Variants in HERC1 observed in about 807,000 individuals in gnomAD.
HERC1 encodes HECT and RLD domain containing E3 ubiquitin protein ligase family member 1.
In HERC1, 160 loss-of-function variants were observed where a neutral mutation model predicts 554.3. The ratio of observed to expected loss-of-function variants is 0.29; its 90% CI spans 0.25 to 0.33. The LOEUF is 0.33. Among genes scored for constraint, HERC1 ranks in the 10% least tolerant of loss-of-function variants. The pLI is 1.00. For missense variants in HERC1, 4,919 were observed against 5,918.5 expected, an observed-to-expected ratio of 0.83 and a Z score of 5.54; for synonymous variants, 2,175 against 2,131.7, an observed-to-expected ratio of 1.02 and a Z score of -0.56.
chr15:63,652,060 C>CA lies in HERC1; in HGVS notation c.10418+353dup, dbSNP rs973939269. On this transcript the variant is annotated intron_variant, in intron 52 of 77. Transcript: ENST00000443617. ...CAAAAAAGAAAAAAACAAAACAAAACAAAAAAAACTGTTGAAAATGCTACA... is the reference window on the plus strand; with the variant it reads ...CAAAAAAGAAAAAAACAAAACAAAACAAAAAAAAACTGTTGAAAATGCTACA... Among the ~76,000 whole-genome samples, 9 of 151,452 alleles carry CA rather than the reference C, an allele frequency of 5.9e-5. No individual in the cohort carries two copies. The South Asian group carries it at 6.3e-4, about 11-fold the overall frequency.
chr15:63,651,465 T>C (rs746196321), intron 52 of HERC1, 85 bp from the exon 53 acceptor site: 3 of 1,327,784 alleles, frequency 2.3e-6, no homozygotes, highest in Admixed American at 4.1e-5. Context: ...AAGGGTTTCA[T>C]ATAGACTAGA....
At chr15:63,827,567 G>A (rs2077986089) in intron 1 of HERC1, among the ~76,000 whole-genome samples, 1 of 152,144 alleles carries the variant, frequency 6.6e-6, no homozygotes, top group Middle Eastern at 3.4e-3. Flanking sequence ...GAAGGGAACA[G>A]GAAAACAATC....
rs747014138 is a variant in HERC1, at chr15:63,664,569, T to C, written c.8581A>G (p.Asn2861Asp). ...GATGGTCCACTTCCAGAAGCTGCAT[T>C]CTCTGTATGATCCAAATTATCAGGG... ...ESPDNLDHTE[N>D]AASGSGPSAR... Residue 2861 changes from asparagine to aspartate, a missense_variant, in exon 43 of 78, where the codon AAT (asparagine) becomes GAT (aspartate). Around this residue, in one of 11 missense-constraint regions of HERC1, gnomAD observed 1,963 missense variants for 2,228.6 expected, o/e 0.88. Transcript: ENST00000443617. 3 of 1,613,674 alleles carry C rather than the reference T, an allele frequency of 1.9e-6. No individual in the cohort carries two copies. In the East Asian group the frequency reaches 6.7e-5, roughly 36 times the overall value.
Position 63,749,272 on chromosome 15 carries a change from C to A in HERC1, c.2219+95G>T. On this transcript the variant is annotated intron_variant, in intron 10 of 77. Coordinates refer to ENST00000443617, the MANE Select transcript of HERC1 (RefSeq NM_003922.4). This position sits in a 1 kb window ranked among gnomAD's most constrained non-coding sequence, Gnocchi z 4.1. ...TATGTTCAGAAGAGTATTTTATGAA[C>A]AAAGCACAATTATTTCTGTTTTTAT... The A allele has an allele frequency of 1.0e-6, 1 of 968,068 alleles. No individual in the cohort carries two copies. The highest frequency in any genetic ancestry group is 1.5e-6 in the Non-Finnish European group (1 of 648,916). The allele number at this position is 968,068 out of a possible 1,614,324, so 60.0% of individuals were successfully genotyped here.
At chr15:63,660,732 C>T (rs145139618) in intron 46 of HERC1, among the ~76,000 whole-genome samples, 8 of 152,096 alleles carry the variant, frequency 5.3e-5, no homozygotes, top group Middle Eastern at 3.4e-3. Flanking sequence ...AAAAAAAATA[C>T]ACCTAATAGA....
In HERC1 at chr15:63,612,713, G is replaced by T. The variant is rs2067655110; in HGVS notation, c.14095-157C>A. On this transcript the variant is annotated intron_variant, in intron 76 of 77. Coordinates refer to ENST00000443617, the MANE Select transcript of HERC1 (RefSeq NM_003922.4). The surrounding 1 kb of genome is among the most constrained non-coding windows in gnomAD (Gnocchi z 5.0). Reference sequence around the variant, plus strand: ...CCAGGCACGAGAGTCAGTCAAAAAGGCCCACCCTCCCTGCCTCTCAACCCT... The same window carrying T: ...CCAGGCACGAGAGTCAGTCAAAAAGTCCCACCCTCCCTGCCTCTCAACCCT... 1.3e-5 allele frequency among the ~76,000 whole-genome samples: 2 copies of T among 152,178 alleles called. No homozygotes were observed. The highest frequency in any genetic ancestry group is 4.1e-4 in the South Asian group (2 of 4,828).
chr15:63,798,506 T>C (rs1596282285), intron 1 of HERC1, among the ~76,000 whole-genome samples: 1 of 148,982 alleles, frequency 6.7e-6, no homozygotes. Flanking sequence ...CTCTTCTCCT[T>C]CACTTACTAA....
Position 63,638,421 on chromosome 15 carries a change from T to A in HERC1, c.12083A>T (p.Gln4028Leu), listed in dbSNP as rs2068882620. 1.2e-6 allele frequency: 2 copies of A among 1,613,644 alleles called. No homozygotes were observed. Among genetic ancestry groups the A allele is most frequent in the African/African-American group, 2.7e-5 (2 of 74,912 alleles). The change falls in exon 63 of 78, where the codon CAG becomes CTG. Residue 4028 changes from glutamine to leucine, a missense_variant. Around this residue, in one of 11 missense-constraint regions of HERC1, gnomAD observed 122 missense variants for 195.2 expected, o/e 0.63. Coordinates refer to ENST00000443617, the MANE Select transcript of HERC1 (RefSeq NM_003922.4). ...TATCCTGTTAGTTACCTGTTGGGCC[T>A]GTGAGAATGAGGGAGCTGCTGCAGG... ...MVPAAAPSFS[Q>L]AQQVICGQNC... is the part of the protein sequence containing the mutation.
rs1015424831 is a variant in HERC1 at position 63,749,243 on chromosome 15, T to C, written c.2219+124A>G. 3 of 715,212 alleles carry C rather than the reference T, an allele frequency of 4.2e-6. No homozygotes were observed. The African/African-American group carries it at 5.4e-5, about 13-fold the overall frequency. 44.3% of individuals were successfully genotyped at this position (715,212 alleles called of 1,614,324 possible). A position where few individuals can be genotyped will look rare whatever the true frequency, so the allele number is the denominator to read the frequency against. On this transcript the variant is annotated intron_variant, in intron 10 of 77. Transcript: ENST00000443617. The surrounding 1 kb of genome is among the most constrained non-coding windows in gnomAD (Gnocchi z 4.1). ...TTCTATGATAGAGAAAAAGCAATAC[T>C]ATATATGTTCAGAAGAGTATTTTAT... is the stretch of plus-strand genomic sequence containing the variant.
intron 12 of HERC1, among the ~76,000 whole-genome samples, chr15:63,736,612 CTT>C (rs59109042): frequency 6.3e-4 from 92 of 145,358 alleles, no homozygotes; most frequent in Non-Finnish European, 8.7e-4. Context: ...ATCACACTCT[CTT>C]TTTTTTTTTT....
At chr15:63,761,429 A>G (rs1235287645) in intron 3 of HERC1, among the ~76,000 whole-genome samples, 1 of 152,098 alleles carries the variant, frequency 6.6e-6, no homozygotes, top group African/African-American at 2.4e-5. Flanking sequence ...AAAAATAAAA[A>G]TAAAAAAATT....
intron 40 of HERC1, 39 bp from the exon 41 acceptor site, chr15:63,666,511 C>T (rs752152010): frequency 7.8e-7 from 1 of 1,286,824 alleles, no homozygotes; most frequent in Non-Finnish European, 1.1e-6. Flanking sequence ...CTAAATATCA[C>T]TAGATACCGT....
chr15:63,760,102 TG>T (rs1210314667), intron 3 of HERC1, among the ~76,000 whole-genome samples: 4 of 53,000 alleles, frequency 7.5e-5, no homozygotes, highest in Admixed American at 4.1e-4. Flanking sequence ...GAAAAACTAC[TG>T]GGGGCAGAAA....
chr15:63,683,500 C>T (rs981567497), intron 34 of HERC1, among the ~76,000 whole-genome samples: 6 of 152,304 alleles, frequency 3.9e-5, no homozygotes, highest in African/African-American at 1.2e-4. Flanking sequence ...ATATGTCTAA[C>T]ACTTACAGGC....
At chr15:63,615,572 T>C (rs2067780025) in intron 76 of HERC1, among the ~76,000 whole-genome samples, 196 bp downstream of exon 76, 1 of 152,222 alleles carries the variant, frequency 6.6e-6, no homozygotes, top group Non-Finnish European at 1.5e-5. Flanking sequence ...ACTGAACCAC[T>C]GCACTCCAGC....
At chr15:63,707,553 T>C (rs904678475) in intron 24 of HERC1, among the ~76,000 whole-genome samples, 3 of 152,250 alleles carry the variant, frequency 2.0e-5, no homozygotes, top group African/African-American at 7.2e-5. Flanking sequence ...AGCTTGTGCA[T>C]AGACTTGACA....
At position 63,729,357 on chromosome 15, in the gene HERC1, A is replaced by G. The variant is rs1169785998; in HGVS notation, c.3033T>C (p.Ser1011=). The G allele has an allele frequency of 1.2e-6, 2 of 1,603,930 alleles. No homozygotes were observed. Among genetic ancestry groups the G allele is most frequent in the Admixed American group, 1.7e-5 (1 of 57,238 alleles). ...GAAGATGTTTATGAAGCAATGCCAC[A>G]CTGCTTGAGTTCTAAGAAGAAAAAA... ...HINNISENSS[S]VALLHKHLQL... The change falls in exon 16 of 78, where the codon AGT becomes AGC. Residue 1011 remains serine, a synonymous_variant. Transcript: ENST00000443617.
At chr15:63,766,391 C>G (rs998808964) in intron 2 of HERC1, among the ~76,000 whole-genome samples, 15 of 152,016 alleles carry the variant, frequency 9.9e-5, no homozygotes, top group African/African-American at 3.4e-4. Context: ...AGTTCAAGAC[C>G]AGCCTGGCCA....
intron 3 of HERC1, among the ~76,000 whole-genome samples, chr15:63,761,196 A>G (rs1488376347): frequency 6.6e-6 from 1 of 152,216 alleles, no homozygotes; most frequent in African/African-American, 2.4e-5. Flanking sequence ...TGACCCTCAA[A>G]CTATCAAAAA....
Sources: gnomAD v4.1 joint callset for allele counts (sites outside exome capture counted in the v4.1 genomes callset) on GRCh38, gnomAD v4.1.1 for gene constraint, gnomAD v4.1.1 regional missense constraint, Gnocchi (gnomAD v3.1) non-coding constraint, MANE v1.5 for transcripts, NCBI Gene and HGNC (gene_info 2026-07-23, HGNC 2026-07-21) for gene names.